The following PARN variants were observed in gnomAD, a reference collection of about 807,000 sequenced individuals.
The protein encoded by PARN is poly(A)-specific ribonuclease, also known as poly(A)-specific ribonuclease PARN.
A neutral mutation model predicts 102.8 loss-of-function variants in PARN; 71 were observed. The observed-to-expected ratio is 0.69, with a 90% CI of 0.57 to 0.84. The LOEUF (loss-of-function observed/expected upper bound fraction) is 0.84, where lower values mean the gene tolerates loss of function less well. Ranked by LOEUF, PARN falls within the 40% of genes least tolerant of loss-of-function variation. The pLI is 0.00. For synonymous variants in PARN, 261 were observed against 252.9 expected (o/e 1.03, Z -0.30); for missense variants, 782 against 760.9 (o/e 1.03, Z -0.33).
At chr16:14,630,035 C>T in intron 1 of PARN, 72 bp downstream of exon 1, 7 of 1,380,640 alleles carry the variant, frequency 5.1e-6, no homozygotes, top group Middle Eastern at 2.0e-4. Context: ...AACACGCCGG[C>T]CATGGTCTCG....
intron 18 of PARN, 63 bp downstream of exon 18, chr16:14,580,811 C>G: frequency 1.1e-6 from 1 of 927,996 alleles, no homozygotes; most frequent in East Asian, 2.4e-5. Flanking sequence ...AAACTGACAT[C>G]CCAAGATATG....
chr16:14,523,614 T>C (rs536742700), intron 21 of PARN, among the ~76,000 whole-genome samples: 2 of 152,166 alleles, frequency 1.3e-5, no homozygotes, highest in Non-Finnish European at 2.9e-5. Flanking sequence ...TGTACATACG[T>C]AGAGATCAGA....
At chr16:14,528,626 G>A (rs1966141399) in intron 21 of PARN, among the ~76,000 whole-genome samples, 1 of 152,110 alleles carries the variant, frequency 6.6e-6, no homozygotes, top group Admixed American at 6.5e-5. Context: ...GATGTGGGGG[G>A]GAAAGTGGAC....
intron 21 of PARN, among the ~76,000 whole-genome samples, chr16:14,530,960 C>T (rs1430650408): frequency 6.6e-6 from 1 of 151,382 alleles, no homozygotes; most frequent in African/African-American, 2.4e-5. Flanking sequence ...TTCATTCATG[C>T]ATGCATTCAT....
At chr16:14,542,187 G>A (rs1431019280) in intron 21 of PARN, among the ~76,000 whole-genome samples, 1 of 151,862 alleles carries the variant, frequency 6.6e-6, no homozygotes, top group Non-Finnish European at 1.5e-5. Flanking sequence ...TTTATTTTTA[G>A]TAGAGACAGG....
intron 18 of PARN, among the ~76,000 whole-genome samples, chr16:14,577,466 T>C (rs1218753661): frequency 6.6e-6 from 1 of 152,112 alleles, no homozygotes; most frequent in African/African-American, 2.4e-5. Context: ...CCCGAGTAGC[T>C]GGGACTACAG....
chr16:14,477,234 G>A (rs1963103971), intron 22 of PARN, among the ~76,000 whole-genome samples: 1 of 151,980 alleles, frequency 6.6e-6, no homozygotes, highest in South Asian at 2.1e-4. Context: ...GAGGTCAGGA[G>A]TTCGAGACCA....
At chr16:14,503,297 C>A (rs905982055) in intron 21 of PARN, among the ~76,000 whole-genome samples, 4 of 152,022 alleles carry the variant, frequency 2.6e-5, no homozygotes, top group African/African-American at 7.2e-5. Context: ...TCTAGGTGCA[C>A]AAACAACACT....
At chr16:14,589,560 C>G (rs1369900338) in intron 13 of PARN, among the ~76,000 whole-genome samples, 1 of 144,906 alleles carries the variant, frequency 6.9e-6, no homozygotes, top group Non-Finnish European at 1.5e-5. Flanking sequence ...GTGAGACACT[C>G]TCTCAAAAAA....
chr16:14,526,612 C>A (rs1316486516), intron 21 of PARN, among the ~76,000 whole-genome samples: 1 of 152,190 alleles, frequency 6.6e-6, no homozygotes, highest in Non-Finnish European at 1.5e-5. Context: ...AACCTCATCA[C>A]ACAAAGGAAA....
intron 6 of PARN, among the ~76,000 whole-genome samples, chr16:14,616,417 A>T (rs1567456140): frequency 6.6e-6 from 1 of 152,240 alleles, no homozygotes; most frequent in South Asian, 2.1e-4. Context: ...TTCTTCTCCC[A>T]TAAGAAACTA....
At chr16:14,615,505 A>C (rs944561444) in intron 6 of PARN, among the ~76,000 whole-genome samples, 1 of 152,200 alleles carries the variant, frequency 6.6e-6, no homozygotes, top group African/African-American at 2.4e-5. Flanking sequence ...CTGCTGGTTC[A>C]GTCACTATGT....
chr16:14,451,870 A>AAAAAAAAAAAAAAAAAAAAAAAAAAAAC, intron 22 of PARN, among the ~76,000 whole-genome samples: 1 of 16,954 alleles, frequency 5.9e-5, no homozygotes, highest in South Asian at 1.7e-3. Flanking sequence ...AAAAAAATAC[A>AAAAAAAAAAAAAAAAAAAAAAAAAAAAC]AAAAAAAAAA....
intron 18 of PARN, among the ~76,000 whole-genome samples, chr16:14,560,615 G>T (rs955894765): frequency 2.0e-5 from 3 of 152,134 alleles, no homozygotes; most frequent in African/African-American, 7.2e-5. Context: ...TTTAAATGTT[G>T]TATGAGTATA....
At chr16:14,622,379 T>A (rs1242352518) in intron 5 of PARN, among the ~76,000 whole-genome samples, 1 of 152,352 alleles carries the variant, frequency 6.6e-6, no homozygotes, top group Non-Finnish European at 1.5e-5. Flanking sequence ...ATAGAATTGC[T>A]GATAACCACT....
rs80145287 is a variant in PARN, at chr16:14,503,531, A to T, written c.1481-20704T>A. Among the ~76,000 whole-genome samples the T allele has an allele frequency of 8.5e-3, 1,290 of 152,250 alleles. 21 individuals carry two copies. Among genetic ancestry groups the T allele is most frequent in the African/African-American group, 0.029 (1,210 of 41,516 alleles). On this transcript the variant is annotated intron_variant, in intron 21 of 23. Coordinates refer to ENST00000437198, the MANE Select transcript of PARN (RefSeq NM_002582.4). Reference sequence around the variant, plus strand: ...TATGATACTGCTCTTTTCCCTACCTACCTGTGGACACAACAGAAAGGTGGG... The same window carrying T: ...TATGATACTGCTCTTTTCCCTACCTTCCTGTGGACACAACAGAAAGGTGGG...
chr16:14,482,220 G>A (rs563516023), intron 22 of PARN, among the ~76,000 whole-genome samples: 203 of 152,224 alleles, frequency 1.3e-3, no homozygotes, highest in Non-Finnish European at 2.5e-3. Flanking sequence ...AATAGAGCGA[G>A]ACCTCATCTC....
chr16:14,619,113 T>G lies in PARN; in HGVS notation c.328-1463A>C, dbSNP rs150824498. Among the ~76,000 whole-genome samples the G allele has an allele frequency of 6.2e-3, 948 of 151,868 alleles. 14 individuals carry two copies. The highest frequency in any genetic ancestry group is 0.021 in the African/African-American group (890 of 41,430). The stretch of plus-strand genomic sequence containing the variant: ...CAGGGGCTGAGGTAGGAGGATCACT[T>G]AAGTATGGAAGGTGAGGAGGTTGAG... On this transcript the variant is annotated intron_variant, in intron 5 of 23. Transcript: ENST00000437198.
chr16:14,539,923 C>G (rs1333022515), intron 21 of PARN, among the ~76,000 whole-genome samples: 1 of 152,088 alleles, frequency 6.6e-6, no homozygotes, highest in Non-Finnish European at 1.5e-5. Context: ...TACAATATAA[C>G]AACTACTTAC....
Sources: allele counts gnomAD v4.1 joint callset (sites outside exome capture counted in the v4.1 genomes callset), GRCh38; gene constraint gnomAD v4.1.1; transcripts MANE v1.5; gene names NCBI Gene and HGNC (gene_info 2026-07-23, HGNC 2026-07-21).